ITPKB: variants seen among roughly 807,000 people sequenced by gnomAD.
ITPKB encodes inositol-trisphosphate 3-kinase B.
In ITPKB, 13 loss-of-function variants were observed where a neutral mutation model predicts 69.4. The observed-to-expected ratio is 0.19, with a 90% confidence interval of 0.12 to 0.30. The LOEUF (loss-of-function observed/expected upper bound fraction) is 0.30, where lower values mean the gene tolerates loss of function less well. Among genes scored for constraint, ITPKB ranks in the 10% least tolerant of loss-of-function variants. The pLI is 1.00. For missense variants in ITPKB, 1,240 were observed against 1,250.5 expected (o/e 0.99, Z 0.13); for synonymous variants, 584 against 513.7 (o/e 1.14, Z -1.85).
chr1:226,682,755 T>C (rs1224522576), intron 2 of ITPKB, among the ~76,000 whole-genome samples: 2 of 152,122 alleles, frequency 1.3e-5, no homozygotes, highest in Non-Finnish European at 2.9e-5. Flanking sequence ...GGAGGAGCTG[T>C]GGAAGATAAA....
At chr1:226,639,173 T>G (rs1668901421) in intron 6 of ITPKB, among the ~76,000 whole-genome samples, 1 of 151,644 alleles carries the variant, frequency 6.6e-6, no homozygotes, top group Non-Finnish European at 1.5e-5. Flanking sequence ...CTCTCCTGTC[T>G]CAGCATCCCA....
chr1:226,688,910 C>G lies in ITPKB; in HGVS notation c.1933-40139G>C, dbSNP rs139265315. Reference sequence around the variant, plus strand: ...CATTACCAACCACTCCATTTTCCCCCCCAACAAACAAGTGCTTCCCCACTT... The same window carrying G: ...CATTACCAACCACTCCATTTTCCCCGCCAACAAACAAGTGCTTCCCCACTT... On this transcript the variant is annotated intron_variant, in intron 2 of 7. Coordinates refer to ENST00000429204, the MANE Select transcript of ITPKB (RefSeq NM_002221.4). 2.2e-3 allele frequency among the ~76,000 whole-genome samples: 335 copies of G among 152,280 alleles called. 1 individual carries two copies. The highest frequency in any genetic ancestry group is 7.7e-3 in the African/African-American group (318 of 41,546).
intron 2 of ITPKB, among the ~76,000 whole-genome samples, chr1:226,719,986 G>A (rs1046766697): frequency 6.6e-6 from 1 of 152,344 alleles, no homozygotes; most frequent in Non-Finnish European, 1.5e-5. Context: ...GCAGCAATGA[G>A]GAGCTTTAAC....
At chr1:226,713,214 C>G (rs138811134) in intron 2 of ITPKB, among the ~76,000 whole-genome samples, 2 of 152,146 alleles carry the variant, frequency 1.3e-5, no homozygotes, top group Non-Finnish European at 2.9e-5. Context: ...AGAATGCCCC[C>G]GCCCCCGGTT....
intron 2 of ITPKB, among the ~76,000 whole-genome samples, chr1:226,679,648 ATACTT>A (rs1656029814): frequency 6.6e-6 from 1 of 152,252 alleles, no homozygotes; most frequent in Non-Finnish European, 1.5e-5. Flanking sequence ...ATTCAAGACT[ATACTT>A]AAAATTACAT....
chr1:226,698,622 C>T (rs909020954), intron 2 of ITPKB, among the ~76,000 whole-genome samples: 7 of 152,232 alleles, frequency 4.6e-5, no homozygotes, highest in Admixed American at 3.3e-4. Flanking sequence ...TCCCAGGTTG[C>T]CAACCTCAAA....
intron 2 of ITPKB, among the ~76,000 whole-genome samples, chr1:226,666,019 C>T (rs1158575281): frequency 6.6e-6 from 1 of 152,166 alleles, no homozygotes; most frequent in Non-Finnish European, 1.5e-5. Context: ...CCCAAAAGCT[C>T]CTGGCCATCT....
chr1:226,700,491 A>C (rs978404669), intron 2 of ITPKB, among the ~76,000 whole-genome samples: 6 of 150,054 alleles, frequency 4.0e-5, no homozygotes, highest in African/African-American at 7.3e-5. Flanking sequence ...AAAAAAAAAA[A>C]AAAAACCCAG....
chr1:226,727,103 T>C (rs1031566577), intron 2 of ITPKB, among the ~76,000 whole-genome samples: 3 of 152,352 alleles, frequency 2.0e-5, no homozygotes. Flanking sequence ...TCGTCATCCT[T>C]TCCCCATAAT....
intron 2 of ITPKB, among the ~76,000 whole-genome samples, chr1:226,653,308 G>A (rs1669230669): frequency 6.6e-6 from 1 of 152,188 alleles, no homozygotes. Context: ...ACCTCCGAGT[G>A]CCCCTTCCAG....
At chr1:226,661,828 G>A (rs1034517018) in intron 2 of ITPKB, among the ~76,000 whole-genome samples, 1 of 152,262 alleles carries the variant, frequency 6.6e-6, no homozygotes, top group East Asian at 1.9e-4. Context: ...AGACAGCTCT[G>A]TATGAGCCCA....
At chr1:226,721,348 C>CAAAAAAAAA (rs11353595) in intron 2 of ITPKB, among the ~76,000 whole-genome samples, 11 of 64,622 alleles carry the variant, frequency 1.7e-4, no homozygotes, top group African/African-American at 2.9e-4. Context: ...AACTCTGTCT[C>CAAAAAAAAA]AAAAAAAAAA....
chr1:226,713,573 AAGG>A (rs1289296174), intron 2 of ITPKB, among the ~76,000 whole-genome samples: 4 of 152,166 alleles, frequency 2.6e-5, no homozygotes, highest in Non-Finnish European at 5.9e-5. Flanking sequence ...AATTTCTAAC[AAGG>A]AGAATGCTCC....
chr1:226,724,963 T>G (rs1657363589), intron 2 of ITPKB, among the ~76,000 whole-genome samples: 1 of 152,182 alleles, frequency 6.6e-6, no homozygotes, highest in Non-Finnish European at 1.5e-5. Flanking sequence ...GATCTACCAC[T>G]TCTAACAGAG....
At chr1:226,714,650 C>T (rs570380216) in intron 2 of ITPKB, among the ~76,000 whole-genome samples, 113 of 152,338 alleles carry the variant, frequency 7.4e-4, no homozygotes, top group African/African-American at 2.5e-3. Context: ...TCTCTGACTA[C>T]GTGAATCCCT....
intron 2 of ITPKB, chr1:226,659,482 G>C (rs1045402034): frequency 5.9e-5 from 9 of 152,360 alleles, no homozygotes; most frequent in East Asian, 2.0e-4. Context: ...CTCCAGGTCT[G>C]CTGTGCAGGT....
At chr1:226,701,627 A>C (rs1043484471) in intron 2 of ITPKB, among the ~76,000 whole-genome samples, 7 of 150,328 alleles carry the variant, frequency 4.7e-5, no homozygotes, top group Admixed American at 3.3e-4. Flanking sequence ...AAAAAAAAAA[A>C]AAAACTTCAC....
intron 4 of ITPKB, among the ~76,000 whole-genome samples, chr1:226,646,256 G>C (rs375507780): frequency 6.6e-6 from 1 of 152,186 alleles, no homozygotes; most frequent in African/African-American, 2.4e-5. Flanking sequence ...AGCACCGCAC[G>C]CTGGACACCA....
At chr1:226,639,150 C>CAGGT (rs1443209015) in intron 6 of ITPKB, among the ~76,000 whole-genome samples, 1 of 151,854 alleles carries the variant, frequency 6.6e-6, no homozygotes, top group Non-Finnish European at 1.5e-5. Context: ...CTCCGCCTCC[C>CAGGT]AGGTTCAAGT....
Sources: gnomAD v4.1 joint callset for allele counts (sites outside exome capture counted in the v4.1 genomes callset) on GRCh38, gnomAD v4.1.1 for gene constraint, MANE v1.5 for transcripts, NCBI Gene and HGNC (gene_info 2026-07-23, HGNC 2026-07-21) for gene names.